CD163: variants seen among roughly 807,000 people sequenced by gnomAD.
The protein encoded by CD163 is scavenger receptor cysteine-rich type 1 protein M130.
Under a neutral mutation model 129.2 loss-of-function variants are expected in CD163, and 64 were observed. The observed-to-expected ratio is 0.50, with a 90% CI of 0.41 to 0.61. The LOEUF is 0.61. CD163 is among the 20% of genes least tolerant of loss of function. The pLI is 0.00. For missense variants in CD163, 1,061 were observed against 1,377.9 expected (o/e 0.77, Z 3.64); for synonymous variants, 446 against 478.5 (o/e 0.93, Z 0.89).
At chr12:7,486,843 G>T in intron 9 of CD163, 30 bp from the exon 10 acceptor site, 2 of 1,605,068 alleles carry the variant, frequency 1.2e-6, no homozygotes, top group Non-Finnish European at 1.7e-6. Flanking sequence ...TATTAATAAT[G>T]AGCATTCCAC....
Position 7,479,862 on chromosome 12 carries a change from C to A in CD163, c.*29G>T, listed in dbSNP as rs1177594544. 6.2e-7 allele frequency: 1 copy of A among 1,612,210 alleles called. No individual in the cohort carries two copies. On this transcript the variant is annotated splice_region_variant and 3_prime_UTR_variant, in exon 16 of 17. Coordinates refer to ENST00000432237, the MANE Select transcript of CD163 (RefSeq NM_203416.4). ...ACTAATAAATTCTCATCACTCACCT[C>A]ACTGGGTTATAAATTCCCATTTTCC...
chr12:7,497,733 G>T (rs1409910730), intron 4 of CD163, among the ~76,000 whole-genome samples: 1 of 152,136 alleles, frequency 6.6e-6, no homozygotes, highest in Non-Finnish European at 1.5e-5. Flanking sequence ...TCCTCTGGCA[G>T]TTTCCGTTTT....
chr12:7,483,900 G>A lies in CD163; in HGVS notation c.2780-225C>T, dbSNP rs1394812607. Among the ~76,000 whole-genome samples the A allele has an allele frequency of 1.2e-4, 17 of 140,368 alleles. No individual in the cohort carries two copies. The Admixed American group carries it at 1.3e-3, about 11-fold the overall frequency. 92.1% of individuals were successfully genotyped at this position (140,368 alleles called of 152,430 possible). On this transcript the variant is annotated intron_variant, in intron 11 of 16. Transcript: ENST00000432237. Reference sequence around the variant, plus strand: ...CTGTCACCCAGGCTGGAGTGCAGTGGCACAATCTCGGCTCACTGCAAGCTC... The same window carrying A: ...CTGTCACCCAGGCTGGAGTGCAGTGACACAATCTCGGCTCACTGCAAGCTC...
intron 9 of CD163, 34 bp from the exon 10 acceptor site, chr12:7,486,847 A>T (rs1406688312): frequency 6.2e-7 from 1 of 1,604,232 alleles, no homozygotes. Flanking sequence ...AATAATGAGC[A>T]TTCCACTTGT....
rs866809108 is a variant in CD163, at chr12:7,496,758, C to T, written c.1099+55G>A. 2.0e-4 allele frequency: 299 copies of T among 1,514,378 alleles called. No individual in the cohort carries two copies. In the Middle Eastern group the frequency reaches 0.014, roughly 69 times the overall value. 93.8% of individuals were successfully genotyped at this position (1,514,378 alleles called of 1,614,324 possible). On this transcript the variant is annotated intron_variant, in intron 5 of 16. Coordinates refer to ENST00000432237, the MANE Select transcript of CD163 (RefSeq NM_203416.4). This position sits in a 1 kb window ranked among gnomAD's most constrained non-coding sequence, Gnocchi z 4.8. ...TACTCTTAAGGAGCACAGGACTTTCCGTTTCTGCTTTTCTTTTTGTTTAGT... is the reference window on the plus strand; with the variant it reads ...TACTCTTAAGGAGCACAGGACTTTCTGTTTCTGCTTTTCTTTTTGTTTAGT...
At chr12:7,486,082 G>C (rs1450660233) in intron 10 of CD163, among the ~76,000 whole-genome samples, 3 of 152,158 alleles carry the variant, frequency 2.0e-5, no homozygotes, top group Non-Finnish European at 2.9e-5. Flanking sequence ...TATCTGCCAT[G>C]AAAAATTGCT....
chr12:7,483,494 C>G lies in CD163; in HGVS notation c.2961G>C (p.Gly987=), dbSNP rs776402823. 9 of 1,614,016 alleles carry G rather than the reference C, an allele frequency of 5.6e-6. No individual in the cohort carries two copies. Among genetic ancestry groups the G allele is most frequent in the Non-Finnish European group, 6.8e-6 (8 of 1,179,980 alleles). The stretch of plus-strand genomic sequence containing the variant: ...CTTCATTGAGCCATATCGGTCCAGT[C>G]CCCTGACCAAACTCTGCTTCTTTGA... ...KAFKEAEFGQ[G]TGPIWLNEVK... The change falls in exon 12 of 17, where the codon GGG becomes GGC. Residue 987 remains glycine (G), a synonymous_variant. Coordinates refer to ENST00000432237, the MANE Select transcript of CD163 (RefSeq NM_203416.4).
chr12:7,493,722 G>A (rs935031971), intron 6 of CD163, among the ~76,000 whole-genome samples: 3 of 151,784 alleles, frequency 2.0e-5, no homozygotes, highest in African/African-American at 7.3e-5. Flanking sequence ...GAAGTTGGGG[G>A]CCAAAAAGAA....
At position 7,485,826 on chromosome 12, in the gene CD163, C is replaced by G. The variant is rs1284327829; in HGVS notation, c.2459-410G>C. On this transcript the variant is annotated intron_variant, in intron 10 of 16. Coordinates refer to ENST00000432237, the MANE Select transcript of CD163 (RefSeq NM_203416.4). The surrounding 1 kb of genome is among the most constrained non-coding windows in gnomAD (Gnocchi z 4.5). ...TAAAATGACAGTTCATTTGCTGACA[C>G]TTCACAGTTTTGCAGTGCATGTCTT... 6.6e-6 allele frequency among the ~76,000 whole-genome samples: 1 copy of G among 152,158 alleles called. No homozygotes were observed.
At chr12:7,483,301 A>G (rs1949189368) in intron 12 of CD163, 66 bp downstream of exon 12, 1 of 1,472,052 alleles carries the variant, frequency 6.8e-7, no homozygotes, top group Non-Finnish European at 9.3e-7. Context: ...TACACAACAC[A>G]CATCACTGCC....
At chr12:7,488,937 G>A (rs1949292817) in intron 6 of CD163, among the ~76,000 whole-genome samples, 1 of 152,132 alleles carries the variant, frequency 6.6e-6, no homozygotes, top group Admixed American at 6.6e-5. Context: ...TATTAAGTGA[G>A]CGTCTATTAT....
At chr12:7,481,339 C>G in intron 14 of CD163, 83 bp from the exon 15 acceptor site, 4 of 959,254 alleles carry the variant, frequency 4.2e-6, no homozygotes, top group Non-Finnish European at 6.8e-6. Context: ...CCAAGCGCTG[C>G]AAACATACCT....
intron 6 of CD163, among the ~76,000 whole-genome samples, chr12:7,489,981 T>C (rs1341745905): frequency 3.3e-5 from 5 of 152,076 alleles, no homozygotes; most frequent in African/African-American, 1.2e-4. Flanking sequence ...TTAAAATTTA[T>C]TTCCCTACCT....
chr12:7,497,796 C>A (rs1286712549), intron 4 of CD163, among the ~76,000 whole-genome samples: 3 of 152,176 alleles, frequency 2.0e-5, no homozygotes, highest in African/African-American at 7.2e-5. Flanking sequence ...CATGTGCTAA[C>A]TGGGGGCCTA....
chr12:7,483,744 A>G (rs1949196775), intron 11 of CD163, 69 bp from the exon 12 acceptor site: 12 of 1,049,802 alleles, frequency 1.1e-5, no homozygotes, highest in Non-Finnish European at 1.6e-5. Context: ...ACAGGTGAAA[A>G]GAGAGATTTG....
At chr12:7,476,367 T>C (rs1042126489) in intron 16 of CD163, among the ~76,000 whole-genome samples, 1 of 152,130 alleles carries the variant, frequency 6.6e-6, no homozygotes, top group Non-Finnish European at 1.5e-5. Context: ...CAAAACAGCA[T>C]GGTACTGGTA....
rs1315381212 is a variant in CD163 at position 7,501,408 on chromosome 12, C to G, written c.188G>C (p.Arg63Thr). The change falls in exon 3 of 17, where the codon AGA becomes ACA. Residue 63 changes from arginine to threonine, a missense_variant. Arg to Thr is a moderately conservative substitution (Grantham distance 71). Coordinates refer to ENST00000432237, the MANE Select transcript of CD163 (RefSeq NM_203416.4). Reference protein sequence around the residue: ...LVDGENKCSGRVEVKVQEEWG... With the variant: ...LVDGENKCSGTVEVKVQEEWG... ...CTCCTCCTGGACTTTCACTTCCACT[C>G]TCCCGCTACACTTGTTTTCACCATC... is the stretch of plus-strand genomic sequence containing the variant. The G allele has an allele frequency of 1.2e-6, 2 of 1,614,042 alleles. No homozygotes were observed. Among genetic ancestry groups the G allele is most frequent in the South Asian group, 2.2e-5 (2 of 91,088 alleles).
Position 7,485,398 on chromosome 12 carries a change from A to G in CD163, c.2477T>C (p.Leu826Pro). Reference sequence around the variant, plus strand: ...GGCCTCTCTGCTGGCTTCACTGGTCAGTCTCAGAGACATGAATTCTGCAGC... The same window carrying G: ...GGCCTCTCTGCTGGCTTCACTGGTCGGTCTCAGAGACATGAATTCTGCAGC... Reference protein sequence around the residue: ...VICSEFMSLRLTSEASREACA... With the variant: ...VICSEFMSLRPTSEASREACA... Residue 826 changes from leucine (L) to proline (P), a missense_variant, in exon 11 of 17, where the codon CTG (leucine) becomes CCG (proline). Transcript: ENST00000432237. The surrounding 1 kb of genome is among the most constrained non-coding windows in gnomAD (Gnocchi z 4.5). 6.2e-7 allele frequency: 1 copy of G among 1,612,640 alleles called. No homozygotes were observed. Among genetic ancestry groups the G allele is most frequent in the Non-Finnish European group, 8.5e-7 (1 of 1,178,940 alleles).
intron 16 of CD163, among the ~76,000 whole-genome samples, chr12:7,479,507 A>G (rs189192125): frequency 6.6e-6 from 1 of 152,268 alleles, no homozygotes. Flanking sequence ...AGTGCCTTGT[A>G]CAGTCTTTAC....
Sources: allele counts gnomAD v4.1 joint callset (sites outside exome capture counted in the v4.1 genomes callset), GRCh38; gene constraint gnomAD v4.1.1; non-coding constraint Gnocchi (gnomAD v3.1); transcripts MANE v1.5; gene names NCBI Gene and HGNC (gene_info 2026-07-23, HGNC 2026-07-21).